ATG3: variants seen among roughly 807,000 people sequenced by gnomAD.
The protein encoded by ATG3 is autophagy related 3.
A neutral mutation model predicts 50.7 loss-of-function variants in ATG3; 25 were observed. The ratio of observed to expected loss-of-function variants is 0.49; its 90% CI spans 0.36 to 0.69. The LOEUF is 0.69. Ranked by LOEUF, ATG3 falls within the 30% of genes least tolerant of loss-of-function variation. The pLI is 0.00. For synonymous variants in ATG3, 119 were observed against 125.5 expected, an observed-to-expected ratio of 0.95 and a Z score of 0.34; for missense variants, 281 against 376.0, an observed-to-expected ratio of 0.75 and a Z score of 2.09.
intron 11 of ATG3, chr3:112,533,641 A>C: frequency 1.0e-6 from 1 of 985,336 alleles, no homozygotes. Context: ...TCTGGCATGT[A>C]AATCATTGAT....
rs1160218340 is a variant in ATG3 at position 112,561,594 on chromosome 3, G to A, written c.-66C>T. On this transcript the variant is annotated 5_prime_UTR_variant, in exon 1 of 12. Coordinates refer to ENST00000283290, the MANE Select transcript of ATG3 (RefSeq NM_022488.5). ...AAGTGCAGCCGTGTCAGGGGCCAGG[G>A]AGTCAGAAAATGTCCTCGCTGCCAC... The A allele has an allele frequency of 2.0e-6, 3 of 1,519,212 alleles. No homozygotes were observed. The highest frequency in any genetic ancestry group is 1.8e-5 in the Admixed American group (1 of 54,172). 94.1% of individuals were successfully genotyped at this position (1,519,212 alleles called of 1,614,324 possible).
intron 7 of ATG3, among the ~76,000 whole-genome samples, chr3:112,541,185 G>A (rs2638018): frequency 0.22 from 34,167 of 151,896 alleles, 7,015 homozygotes; most frequent in African/African-American, 0.54. Flanking sequence ...TTAAGAGATC[G>A]AGACCATCCT....
Position 112,551,902 on chromosome 3 carries a change from GGA to G in ATG3, c.164+1376_164+1377del, listed in dbSNP as rs72133640. ...AAATATGGAACAAAAAACACATGTA[GGA>G]GAGAAAAATACATAAAAACAAACTT... is the stretch of plus-strand genomic sequence containing the variant. On this transcript the variant is annotated intron_variant, in intron 3 of 11. Coordinates refer to ENST00000283290, the MANE Select transcript of ATG3 (RefSeq NM_022488.5). Among the ~76,000 whole-genome samples, 1,321 of 152,108 alleles carry G rather than the reference GGA, an allele frequency of 8.7e-3. 15 individuals carry two copies. The highest frequency in any genetic ancestry group is 0.03 in the African/African-American group (1,258 of 41,528).
chr3:112,545,657 A>T (rs1290909819), intron 5 of ATG3, among the ~76,000 whole-genome samples: 1 of 152,258 alleles, frequency 6.6e-6, no homozygotes, highest in African/African-American at 2.4e-5. Flanking sequence ...CGGAACATAA[A>T]AACAAAGCAA....
rs1168441513 is a variant in ATG3, at chr3:112,550,215, T to C, written c.212A>G (p.Lys71Arg). The change falls in exon 4 of 12, where the codon AAA becomes AGA. Residue 71 changes from lysine (K) to arginine (R), a missense_variant. Physicochemically the swap from Lys to Arg is conservative, Grantham distance 26 (BLOSUM62 2). This residue lies in a region of ATG3 where 242 missense variants were observed against 305.0 expected (regional missense o/e 0.79). Coordinates refer to ENST00000283290, the MANE Select transcript of ATG3 (RefSeq NM_022488.5). ...LKVKAYLPTG[K>R]QFLVTKNVPC... ...ACCATTTTTGGTTACCAAAAATTGT[T>C]TGCCTGTTGGTAGGTATGCCTTCAC... 6 of 1,612,980 alleles carry C rather than the reference T, an allele frequency of 3.7e-6. No homozygotes were observed. Among genetic ancestry groups the C allele is most frequent in the Non-Finnish European group, 5.1e-6 (6 of 1,179,468 alleles).
At chr3:112,548,458 A>T in intron 5 of ATG3, 75 bp downstream of exon 5, 1 of 1,269,674 alleles carries the variant, frequency 7.9e-7, no homozygotes, top group Non-Finnish European at 1.1e-6. Flanking sequence ...CCTCTTTTTT[A>T]AATCAAGGCT....
At position 112,549,784 on chromosome 3, in the gene ATG3, T is replaced by C. The variant is rs747721561; in HGVS notation, c.235+408A>G. On this transcript the variant is annotated intron_variant, in intron 4 of 11. Transcript: ENST00000283290. ...TAGCCTGGGCAACAAAGTGAGACTC[T>C]GTCTCAAAACAACCAAAAAAAAAAA... 7.2e-4 allele frequency among the ~76,000 whole-genome samples: 93 copies of C among 129,432 alleles called. 2 individuals are homozygous for C. The Middle Eastern group carries it at 0.011, about 15-fold the overall frequency. 84.9% of individuals were successfully genotyped at this position (129,432 alleles called of 152,430 possible). A position where few individuals can be genotyped will look rare whatever the true frequency, so the allele number is the denominator to read the frequency against.
At chr3:112,557,026 A>T (rs903878083) in intron 2 of ATG3, among the ~76,000 whole-genome samples, 1 of 152,156 alleles carries the variant, frequency 6.6e-6, no homozygotes, top group Non-Finnish European at 1.5e-5. Flanking sequence ...AATTAAAAAA[A>T]AAAAAGAAAT....
chr3:112,533,128 G>A, intron 11 of ATG3: 1 of 997,912 alleles, frequency 1.0e-6, no homozygotes, highest in Non-Finnish European at 1.2e-6. Context: ...AGTTATGTCA[G>A]AAAATGAGGC....
Position 112,537,842 on chromosome 3 carries a change from C to T in ATG3, c.559G>A (p.Asp187Asn), listed in dbSNP as rs377401688. ...AAAATAGCATCTTCACCGCCAGCAT[C>T]AGTTTTGGCTTTACAAGCTTCTACT... ...KIVEACKAKT[D>N]AGGEDAILQT... The change falls in exon 9 of 12, where the codon GAT (aspartate) becomes AAT (asparagine). Residue 187 changes from aspartate (D) to asparagine (N), a missense_variant. Coordinates refer to ENST00000283290, the MANE Select transcript of ATG3 (RefSeq NM_022488.5). The T allele has an allele frequency of 2.5e-6, 4 of 1,612,616 alleles. No homozygotes were observed. The African/African-American group carries it at 4.0e-5, about 16-fold the overall frequency.
intron 2 of ATG3, 165 bp downstream of exon 2, chr3:112,558,211 T>A: frequency 1.7e-6 from 1 of 585,820 alleles, no homozygotes; most frequent in Non-Finnish European, 3.1e-6. Context: ...GGAAGTTACA[T>A]CTTTTCTTCT....
chr3:112,536,468 T>C lies in ATG3; in HGVS notation c.794+7A>G, dbSNP rs762550270. 1.9e-6 allele frequency: 3 copies of C among 1,610,444 alleles called. No homozygotes were observed. In the South Asian group the frequency reaches 3.3e-5, roughly 18 times the overall value. ...CAAAAAATATATTTATCTCTACATA[T>C]ACAGACCTGCATGGGTGAACTGAAC... On this transcript the variant is annotated splice_region_variant and intron_variant, in intron 10 of 11. Coordinates refer to ENST00000283290, the MANE Select transcript of ATG3 (RefSeq NM_022488.5).
intron 9 of ATG3, 66 bp downstream of exon 9, chr3:112,537,669 G>A: frequency 7.9e-7 from 1 of 1,264,252 alleles, no homozygotes; most frequent in South Asian, 1.7e-5. Flanking sequence ...TGGACCTAAT[G>A]AAGAAGAAAT....
intron 7 of ATG3, among the ~76,000 whole-genome samples, chr3:112,540,046 A>C (rs982208769): frequency 6.6e-6 from 1 of 152,252 alleles, no homozygotes; most frequent in Non-Finnish European, 1.5e-5. Context: ...TGAAACTGAA[A>C]TACATCTGAA....
At chr3:112,548,511 T>C (rs745934458) in intron 5 of ATG3, 22 bp downstream of exon 5, 6 of 1,550,428 alleles carry the variant, frequency 3.9e-6, no homozygotes, top group African/African-American at 1.4e-5. Context: ...ACTAAATATA[T>C]GTCATTTTAT....
chr3:112,541,768 C>A (rs753104505), intron 7 of ATG3, 35 bp downstream of exon 7: 1 of 1,507,580 alleles, frequency 6.6e-7, no homozygotes, highest in South Asian at 1.1e-5. Flanking sequence ...AATCAATATT[C>A]TAGTGGAACT....
intron 3 of ATG3, among the ~76,000 whole-genome samples, chr3:112,550,688 A>G (rs1456582496): frequency 6.6e-6 from 1 of 152,222 alleles, no homozygotes; most frequent in African/African-American, 2.4e-5. Flanking sequence ...AAGCTGCATG[A>G]CATTATGTAA....
rs201402926 is a variant in ATG3, at chr3:112,541,922, T to C, written c.394-38A>G. The stretch of plus-strand genomic sequence containing the variant: ...TTATATTTAAAATCACTTAAGTATA[T>C]ACATTAATTTGAACACTGAACACCC... On this transcript the variant is annotated intron_variant, in intron 6 of 11. Coordinates refer to ENST00000283290, the MANE Select transcript of ATG3 (RefSeq NM_022488.5). 213 of 1,516,376 alleles carry C rather than the reference T, an allele frequency of 1.4e-4. 1 individual carries two copies. The Admixed American group carries it at 3.4e-3, about 24-fold the overall frequency. The allele number at this position is 1,516,376 out of a possible 1,614,324, so 93.9% of individuals were successfully genotyped here.
rs1297501417 is a variant in ATG3, at chr3:112,537,857, A to C, written c.544T>G (p.Cys182Gly). Residue 182 changes from cysteine to glycine, a missense_variant, in exon 9 of 12, where the codon TGT becomes GGT. Cys to Gly is a radical substitution (Grantham distance 159). Transcript: ENST00000283290. ...CCGCCAGCATCAGTTTTGGCTTTAC[A>C]AGCTTCTACTATTTTCCTTGTATCT... ...TLDTRKIVEA[C>G]KAKTDAGGED... The C allele has an allele frequency of 6.2e-7, 1 of 1,611,772 alleles. No individual in the cohort carries two copies. The highest frequency in any genetic ancestry group is 1.7e-5 in the Admixed American group (1 of 59,536).
Sources: allele counts gnomAD v4.1 joint callset (sites outside exome capture counted in the v4.1 genomes callset), GRCh38; gene constraint gnomAD v4.1.1; regional missense constraint gnomAD v4.1.1; transcripts MANE v1.5; gene names NCBI Gene and HGNC (gene_info 2026-07-23, HGNC 2026-07-21).